TJP2: variants seen among roughly 807,000 people sequenced by gnomAD.
TJP2 encodes tight junction protein 2.
A neutral mutation model predicts 133.1 loss-of-function variants in TJP2; 91 were observed. That is an observed-to-expected ratio of 0.68 (90% CI 0.58 to 0.81). TJP2 has a LOEUF of 0.81. Among genes scored for constraint, TJP2 ranks in the 40% least tolerant of loss-of-function variants. The pLI, the probability that TJP2 is intolerant of heterozygous loss-of-function variation, is 0.00. For missense variants in TJP2, 1,541 were observed against 1,565.6 expected, an observed-to-expected ratio of 0.98 and a Z score of 0.26; for synonymous variants, 592 against 583.4, an observed-to-expected ratio of 1.01 and a Z score of -0.21.
intron 16 of TJP2, among the ~76,000 whole-genome samples, chr9:69,239,074 A>C (rs1476183314): frequency 6.6e-6 from 1 of 152,206 alleles, no homozygotes; most frequent in African/African-American, 2.4e-5. Flanking sequence ...CTGTAGTCCC[A>C]GCCACTCAGG....
chr9:69,254,114 G>C, intron 22 of TJP2, 95 bp from the exon 23 acceptor site: 5 of 1,411,180 alleles, frequency 3.5e-6, no homozygotes, highest in Non-Finnish European at 5.0e-6. Flanking sequence ...GATCTGCTCG[G>C]GATACCCAGT....
chr9:69,246,794 T>C lies in TJP2; in HGVS notation c.2667+4T>C, dbSNP rs779376568. ...GGTTTGGGTCTCTGAAGGAAAGGTA[T>C]GTGGCATAGATATGCTGCTATGAGG... On this transcript the variant is annotated splice_donor_region_variant and intron_variant, in intron 18 of 22. Transcript: ENST00000377245. 6.2e-7 allele frequency: 1 copy of C among 1,613,380 alleles called. No homozygotes were observed. The highest frequency in any genetic ancestry group is 8.5e-7 in the Non-Finnish European group (1 of 1,179,326).
Position 69,221,163 on chromosome 9 carries a change from C to T in TJP2, c.619C>T (p.Gln207Ter). ...CCGGAGCCTGGAGCGGGGCCTGGAC[C>T]AAGACCATGCGCGCACCCGAGACCG... ...RGRSLERGLD[Q>*]DHARTRDRSR... The change falls in exon 5 of 23, where the codon CAA becomes TAA. Residue 207 changes from glutamine to a stop codon, truncating the protein, a stop_gained. Transcript: ENST00000377245. LOFTEE classifies it high-confidence loss of function. The T allele has an allele frequency of 1.3e-6, 2 of 1,597,096 alleles. No homozygotes were observed. The highest frequency in any genetic ancestry group is 2.2e-5 in the South Asian group (2 of 89,132).
At chr9:69,171,385 C>A (rs1457404887), upstream of TJP2, among the ~76,000 whole-genome samples, 1 of 152,076 alleles carries the variant, frequency 6.6e-6, no homozygotes, top group Non-Finnish European at 1.5e-5. Context: ...ACATTCTCCT[C>A]CCCCACCAAC....
At chr9:69,229,077 CAT>C (rs1829566355) in intron 9 of TJP2, 105 bp from the exon 10 acceptor site, 14 of 994,422 alleles carry the variant, frequency 1.4e-5, no homozygotes, top group East Asian at 2.4e-5. Context: ...TTTGTGGTGA[CAT>C]ATGTGGCATA....
intron 4 of TJP2, among the ~76,000 whole-genome samples, chr9:69,218,970 A>AT (rs749157849): frequency 0.03 from 1,796 of 59,788 alleles, 36 homozygotes; most frequent in African/African-American, 0.079. Flanking sequence ...GTGTGTGTGT[A>AT]TTTTTTTTTT....
chr9:69,234,591 G>GGGGGCC, intron 12 of TJP2, 44 bp downstream of exon 12: 4 of 572,858 alleles, frequency 7.0e-6, no homozygotes, highest in African/African-American at 2.0e-5. Context: ...TGGGGGTGGG[G>GGGGGCC]AGTGGGAAGG....
At chr9:69,213,717 G>C (rs552636056) in intron 2 of TJP2, among the ~76,000 whole-genome samples, 1 of 152,062 alleles carries the variant, frequency 6.6e-6, no homozygotes, top group African/African-American at 2.4e-5. Flanking sequence ...AACTTTCCTC[G>C]TCTTTCTGAC....
chr9:69,251,862 G>A (rs1045262007), intron 21 of TJP2, among the ~76,000 whole-genome samples: 3 of 152,178 alleles, frequency 2.0e-5, no homozygotes, highest in African/African-American at 7.2e-5. Context: ...TATTTGCCCA[G>A]TAGATGTGGG....
chr9:69,156,386 T>C (rs1823759106), intron 2 of TJP2, among the ~76,000 whole-genome samples: 1 of 151,960 alleles, frequency 6.6e-6, no homozygotes, highest in Admixed American at 6.6e-5. Context: ...ATTTAGAAAG[T>C]TTATTTTGCC....
At chr9:69,236,419 A>G (rs1341352654) in intron 13 of TJP2, among the ~76,000 whole-genome samples, 181 bp downstream of exon 13, 1 of 152,132 alleles carries the variant, frequency 6.6e-6, no homozygotes, top group Non-Finnish European at 1.5e-5. Flanking sequence ...GTTTATTGTG[A>G]GTAAATTTAG....
intron 1 of TJP2, among the ~76,000 whole-genome samples, chr9:69,130,608 A>G (rs1237686957): frequency 6.6e-6 from 1 of 152,106 alleles, no homozygotes; most frequent in South Asian, 2.1e-4. Flanking sequence ...TTGGAAGTGC[A>G]GGTCTGGAAC....
At chr9:69,169,179 T>C (rs1318110129) in intron 2 of TJP2, among the ~76,000 whole-genome samples, 2 of 152,214 alleles carry the variant, frequency 1.3e-5, no homozygotes, top group Admixed American at 1.3e-4. Flanking sequence ...CATATCGTTG[T>C]CTTCAACACA....
At chr9:69,123,642 G>A (rs79964246) in intron 1 of TJP2, among the ~76,000 whole-genome samples, 1,118 of 76,176 alleles carry the variant, frequency 0.015, 408 homozygotes, top group African/African-American at 0.043. Context: ...ATAGCTCAAG[G>A]TTCTTAGAGT....
intron 6 of TJP2, among the ~76,000 whole-genome samples, chr9:69,225,716 T>A (rs1177770270): frequency 6.6e-6 from 1 of 152,244 alleles, no homozygotes. Context: ...GATATATGAA[T>A]GCTGAATATT....
intron 1 of TJP2, among the ~76,000 whole-genome samples, chr9:69,135,607 AT>A (rs11398228): frequency 0.02 from 2,863 of 146,054 alleles, 95 homozygotes; most frequent in African/African-American, 0.067. Flanking sequence ...CACCTAGCTG[AT>A]TTTTTTTTTT....
chr9:69,205,094 G>T, intron 1 of TJP2: 1 of 1,532,028 alleles, frequency 6.5e-7, no homozygotes. Flanking sequence ...GTAACCACAT[G>T]GAGTGATGGA....
intron 12 of TJP2, 34 bp downstream of exon 12, chr9:69,234,581 TG>T (rs776671205): frequency 2.9e-5 from 7 of 241,964 alleles, no homozygotes; most frequent in African/African-American, 8.7e-5. Flanking sequence ...TTAGTTGGGG[TG>T]GGGGTGGGGA....
chr9:69,161,155 G>T (rs1026405821), intron 2 of TJP2, among the ~76,000 whole-genome samples: 7 of 152,196 alleles, frequency 4.6e-5, no homozygotes, highest in Non-Finnish European at 1.0e-4. Flanking sequence ...CAGCACATGC[G>T]TGCTGTGTCG....
Sources: allele counts gnomAD v4.1 joint callset (sites outside exome capture counted in the v4.1 genomes callset), GRCh38; gene constraint gnomAD v4.1.1; transcripts MANE v1.5; gene names NCBI Gene and HGNC (gene_info 2026-07-23, HGNC 2026-07-21).